The following TRPC7 variants were observed in gnomAD, a reference collection of about 807,000 sequenced individuals.
TRPC7 encodes the protein transient receptor potential cation channel subfamily C member 7, also known as short transient receptor potential channel 7.
A neutral mutation model predicts 90.1 loss-of-function variants in TRPC7; 42 were observed. The ratio of observed to expected loss-of-function variants is 0.47; its 90% CI spans 0.36 to 0.60. TRPC7 has a LOEUF of 0.60. Ranked by LOEUF, TRPC7 falls within the 20% of genes least tolerant of loss-of-function variation. TRPC7 has a pLI of 0.00. For missense variants in TRPC7, 955 were observed against 1,112.3 expected (o/e 0.86, Z 2.01); for synonymous variants, 451 against 436.3 (o/e 1.03, Z -0.42).
At chr5:136,305,934 GCTACAAGGTACAGC>G (rs1758608363) in intron 3 of TRPC7, among the ~76,000 whole-genome samples, 1 of 152,166 alleles carries the variant, frequency 6.6e-6, no homozygotes, top group Non-Finnish European at 1.5e-5. Flanking sequence ...TCCTTGGAAT[GCTACAAGGTACAGC>G]CCGTTTGAGC....
chr5:136,236,840 C>G (rs1039294860), intron 7 of TRPC7, among the ~76,000 whole-genome samples: 11 of 152,176 alleles, frequency 7.2e-5, no homozygotes, highest in African/African-American at 2.7e-4. Context: ...GCCAGGACTC[C>G]TAGCCCCTAC....
chr5:136,338,989 G>A (rs1759756602), intron 2 of TRPC7, among the ~76,000 whole-genome samples: 1 of 152,112 alleles, frequency 6.6e-6, no homozygotes, highest in African/African-American at 2.4e-5. Flanking sequence ...CGTATCTGGG[G>A]TTTGATGGGG....
At chr5:136,289,349 G>A (rs577840682) in intron 3 of TRPC7, among the ~76,000 whole-genome samples, 2 of 152,338 alleles carry the variant, frequency 1.3e-5, no homozygotes, top group African/African-American at 2.4e-5. Flanking sequence ...GCAAGGCATC[G>A]CCTCACCTGG....
intron 1 of TRPC7, among the ~76,000 whole-genome samples, chr5:136,363,654 C>G (rs761327325): frequency 4.6e-5 from 7 of 152,066 alleles, no homozygotes; most frequent in Admixed American, 1.3e-4. Context: ...TCCATTGCAT[C>G]TTGGAATAAA....
At chr5:136,285,931 C>A (rs1346835271) in intron 3 of TRPC7, among the ~76,000 whole-genome samples, 1 of 152,188 alleles carries the variant, frequency 6.6e-6, no homozygotes, top group Non-Finnish European at 1.5e-5. Flanking sequence ...TCAGTTCCTC[C>A]TGTCCTCTAA....
chr5:136,335,641 C>G lies in TRPC7; in HGVS notation c.781-19862G>C, dbSNP rs189415014. 5.5e-3 allele frequency among the ~76,000 whole-genome samples: 843 copies of G among 152,014 alleles called. 9 individuals carry two copies. The highest frequency in any genetic ancestry group is 0.023 in the Admixed American group (351 of 15,280). Reference sequence around the variant, plus strand: ...ACGAGAGGCCAGGCGCGGTGGCTCACGCCTGTAATCCCAGCACTTTGGGAG... The same window carrying G: ...ACGAGAGGCCAGGCGCGGTGGCTCAGGCCTGTAATCCCAGCACTTTGGGAG... On this transcript the variant is annotated intron_variant, in intron 2 of 11. Transcript: ENST00000513104.
intron 2 of TRPC7, among the ~76,000 whole-genome samples, chr5:136,327,307 GAGA>G (rs1759373403): frequency 6.6e-6 from 1 of 152,186 alleles, no homozygotes; most frequent in African/African-American, 2.4e-5. Flanking sequence ...GGAGAGAAAG[GAGA>G]AGAAGAGAAA....
chr5:136,232,900 A>C (rs1447824603), intron 7 of TRPC7, among the ~76,000 whole-genome samples: 1 of 152,104 alleles, frequency 6.6e-6, no homozygotes, highest in Non-Finnish European at 1.5e-5. Context: ...GGTTTTCAAC[A>C]CTCACCCACA....
Position 136,226,115 on chromosome 5 carries a change from C to A in TRPC7, c.2181G>T (p.Met727Ile). The change falls in exon 9 of 12, where the codon ATG becomes ATT. Residue 727 changes from methionine to isoleucine, a missense_variant. Physicochemically the swap from Met to Ile is conservative, Grantham distance 10. This residue lies in a region of TRPC7 where 296 missense variants were observed against 422.7 expected (regional missense o/e 0.70). Coordinates refer to ENST00000513104, the MANE Select transcript of TRPC7 (RefSeq NM_020389.3). The part of the protein sequence containing the change: ...SFYYLIMRIK[M>I]CLIKLCKSKA... ...TAGATTTGCAGAGTTTTATGAGGCA[C>A]ATCTTGATTCTCATTATGAGATAAT... 6.3e-7 allele frequency: 1 copy of A among 1,599,276 alleles called. No homozygotes were observed. The highest frequency in any genetic ancestry group is 8.5e-7 in the Non-Finnish European group (1 of 1,171,944).
intron 2 of TRPC7, among the ~76,000 whole-genome samples, chr5:136,340,740 C>A (rs1366303600): frequency 6.6e-6 from 1 of 151,626 alleles, no homozygotes; most frequent in East Asian, 1.9e-4. Context: ...AAAATATTTG[C>A]AACACACAAA....
intron 3 of TRPC7, among the ~76,000 whole-genome samples, chr5:136,311,722 C>A (rs573642060): frequency 6.6e-6 from 1 of 152,216 alleles, no homozygotes; most frequent in Non-Finnish European, 1.5e-5. Context: ...AGAGCATAAG[C>A]AGAGTCCTTC....
chr5:136,257,104 C>T (rs758687604), intron 5 of TRPC7, among the ~76,000 whole-genome samples: 38 of 152,264 alleles, frequency 2.5e-4, no homozygotes, highest in Non-Finnish European at 4.7e-4. Flanking sequence ...GGGACTATGC[C>T]CAGGGACTAT....
chr5:136,274,947 G>T lies in TRPC7; in HGVS notation c.964-110C>A, dbSNP rs971792305. 4 of 1,276,788 alleles carry T rather than the reference G, an allele frequency of 3.1e-6. No individual in the cohort carries two copies. In the African/African-American group the frequency reaches 4.5e-5, roughly 14 times the overall value. 79.1% of individuals were successfully genotyped at this position (1,276,788 alleles called of 1,614,324 possible). ...AGCTGGGGGCTGAAATGCTCCACCT[G>T]GGGGGTGGTTGAGGAACCTGCAGTG... On this transcript the variant is annotated intron_variant, in intron 3 of 11. Coordinates refer to ENST00000513104, the MANE Select transcript of TRPC7 (RefSeq NM_020389.3).
In TRPC7 at chr5:136,365,363, G is replaced by T. The variant is rs577229088; in HGVS notation, c.-109C>A. On this transcript the variant is annotated 5_prime_UTR_variant, in exon 1 of 12. Transcript: ENST00000513104. ...GGTAGCCAAGGATGTACCGCTCTCCGTGGTGCTGAAGTATAGAGCTGGTCA... is the reference window on the plus strand; with the variant it reads ...GGTAGCCAAGGATGTACCGCTCTCCTTGGTGCTGAAGTATAGAGCTGGTCA... The T allele has an allele frequency of 1.7e-5, 20 of 1,157,252 alleles. 1 individual carries two copies. The East Asian group carries it at 4.6e-4, about 27-fold the overall frequency. 71.7% of individuals were successfully genotyped at this position (1,157,252 alleles called of 1,614,324 possible).
chr5:136,310,544 G>C (rs1467623592), intron 3 of TRPC7, among the ~76,000 whole-genome samples: 2 of 152,110 alleles, frequency 1.3e-5, no homozygotes, highest in Non-Finnish European at 2.9e-5. Context: ...GGTCTGGAAG[G>C]CTCAGGAGGA....
At chr5:136,300,738 G>A (rs77063075) in intron 3 of TRPC7, among the ~76,000 whole-genome samples, 5,091 of 152,256 alleles carry the variant, frequency 0.033, 280 homozygotes, top group African/African-American at 0.12. Flanking sequence ...CATCTGGATT[G>A]TTTACATAGG....
At chr5:136,363,926 C>G (rs1037671134) in intron 1 of TRPC7, among the ~76,000 whole-genome samples, 1 of 152,050 alleles carries the variant, frequency 6.6e-6, no homozygotes, top group African/African-American at 2.4e-5. Flanking sequence ...GGAGCTGAAA[C>G]AAGTTTTGAT....
In TRPC7 at chr5:136,259,843, C is replaced by G. The variant is rs1291614917; in HGVS notation, c.1345+6377G>C. Among the ~76,000 whole-genome samples the G allele has an allele frequency of 2.6e-5, 4 of 152,220 alleles. No homozygotes were observed. In the East Asian group the frequency reaches 5.8e-4, roughly 22 times the overall value. ...GCAAATTTGTCCCTCCTTCCTCAGC[C>G]TTGCTCCTCACTTGGCTTCCTTGAT... On this transcript the variant is annotated intron_variant, in intron 5 of 11. Transcript: ENST00000513104.
In TRPC7 at chr5:136,317,782, G is replaced by T. The variant is rs528786032; in HGVS notation, c.781-2003C>A. ...TGCCTAGAGCTGAAGTCATGGGTGG[G>T]TATAGGAGAGAAAGTGAAAAGGACT... is the stretch of plus-strand genomic sequence containing the variant. On this transcript the variant is annotated intron_variant, in intron 2 of 11. Transcript: ENST00000513104. 3.3e-5 allele frequency among the ~76,000 whole-genome samples: 5 copies of T among 152,302 alleles called. No individual in the cohort carries two copies. The East Asian group carries it at 7.7e-4, about 23-fold the overall frequency.
Sources: gnomAD v4.1 joint callset for allele counts (sites outside exome capture counted in the v4.1 genomes callset) on GRCh38, gnomAD v4.1.1 for gene constraint, gnomAD v4.1.1 regional missense constraint, MANE v1.5 for transcripts, NCBI Gene and HGNC (gene_info 2026-07-23, HGNC 2026-07-21) for gene names.